The following FANK1 variants were observed in gnomAD, a reference collection of about 807,000 sequenced individuals.
The protein encoded by FANK1 is fibronectin type 3 and ankyrin repeat domains protein 1.
Under a neutral mutation model 45.3 loss-of-function variants are expected in FANK1, and 44 were observed. The ratio of observed to expected loss-of-function variants is 0.97; its 90% CI spans 0.76 to 1.25. The LOEUF (loss-of-function observed/expected upper bound fraction) is 1.25. FANK1 is among the 50% of genes most tolerant of loss of function. The probability of loss-of-function intolerance (pLI) is 0.00; values close to 1 mark genes in which losing one functional copy is unlikely to be tolerated. For missense variants in FANK1, 391 were observed against 424.4 expected, an observed-to-expected ratio of 0.92 and a Z score of 0.69; for synonymous variants, 149 against 152.5, an observed-to-expected ratio of 0.98 and a Z score of 0.17.
intron 1 of FANK1, among the ~76,000 whole-genome samples, chr10:125,899,939 G>T (rs1944895744): frequency 1.3e-5 from 2 of 152,288 alleles, no homozygotes; most frequent in South Asian, 4.1e-4. Flanking sequence ...ACAACACCAA[G>T]GAACTACTAG....
At chr10:125,917,201 G>A (rs1372575150) in intron 1 of FANK1, among the ~76,000 whole-genome samples, 1 of 152,198 alleles carries the variant, frequency 6.6e-6, no homozygotes, top group Admixed American at 6.5e-5. Context: ...AAACAGACCA[G>A]TTTTTCCTGA....
At chr10:125,913,967 A>C (rs1946240124) in intron 1 of FANK1, among the ~76,000 whole-genome samples, 1 of 152,174 alleles carries the variant, frequency 6.6e-6, no homozygotes, top group Non-Finnish European at 1.5e-5. Context: ...GAGTAAAAAC[A>C]CAAAGAAGAT....
At chr10:125,953,469 C>T (rs970828118) in intron 1 of FANK1, among the ~76,000 whole-genome samples, 1 of 152,258 alleles carries the variant, frequency 6.6e-6, no homozygotes, top group Non-Finnish European at 1.5e-5. Context: ...CTCACCAGAT[C>T]AGCTCTGTTT....
intron 1 of FANK1, among the ~76,000 whole-genome samples, chr10:125,946,951 C>T (rs1948844424): frequency 6.8e-6 from 1 of 147,780 alleles, no homozygotes; most frequent in African/African-American, 2.5e-5. Flanking sequence ...AGAGTGGGGG[C>T]CAATATTCAA....
At position 125,943,117 on chromosome 10, in the gene FANK1, T is replaced by C. The variant is rs545398534; in HGVS notation, c.14-37044T>C. ...GTGAGCCACTGTGCCCAGACTATAATTTGCTGCTTGATGTCAGAATAATTT... is the reference window on the plus strand; with the variant it reads ...GTGAGCCACTGTGCCCAGACTATAACTTGCTGCTTGATGTCAGAATAATTT... On this transcript the variant is annotated intron_variant, in intron 1 of 10. Transcript: ENST00000368693. 2.8e-4 allele frequency among the ~76,000 whole-genome samples: 42 copies of C among 152,312 alleles called. 1 individual carries two copies. Among genetic ancestry groups the C allele is most frequent in the South Asian group, 1.9e-3 (9 of 4,828 alleles).
chr10:125,945,253 A>G (rs554601841), intron 1 of FANK1, among the ~76,000 whole-genome samples: 1 of 152,344 alleles, frequency 6.6e-6, no homozygotes, highest in African/African-American at 2.4e-5. Context: ...AGGAGCCAAG[A>G]TGGCCGAATA....
intron 1 of FANK1, among the ~76,000 whole-genome samples, chr10:125,908,141 C>T (rs1481518415): frequency 6.6e-6 from 1 of 152,022 alleles, no homozygotes; most frequent in Non-Finnish European, 1.5e-5. Flanking sequence ...AGATTATAGG[C>T]ATGCGCCACC....
intron 1 of FANK1, among the ~76,000 whole-genome samples, chr10:125,978,483 A>G (rs886405569): frequency 6.6e-6 from 1 of 151,156 alleles, no homozygotes; most frequent in Non-Finnish European, 1.5e-5. Context: ...TCCCAGGGGA[A>G]ATTCAATGTC....
intron 3 of FANK1, chr10:125,989,410 C>A (rs112006170): frequency 2.0e-6 from 3 of 1,512,176 alleles, no homozygotes; most frequent in Non-Finnish European, 2.7e-6. Flanking sequence ...GAGTAAAGCT[C>A]TTTTTCCGTT....
chr10:125,933,358 T>C (rs957904116), intron 1 of FANK1, among the ~76,000 whole-genome samples: 2 of 152,160 alleles, frequency 1.3e-5, no homozygotes, highest in African/African-American at 4.8e-5. Flanking sequence ...TGATTTAAGC[T>C]AGGAGGGTTG....
rs111649792 is a variant in FANK1 at position 125,914,869 on chromosome 10, G to A, written c.13+18214G>A. Among the ~76,000 whole-genome samples the A allele has an allele frequency of 4.1e-4, 63 of 151,976 alleles. No individual in the cohort carries two copies. The South Asian group carries it at 8.3e-3, about 20-fold the overall frequency. Reference sequence around the variant, plus strand: ...TGAACTCCCGGGTTGACTTAGGTGCGGAGGGGATGACTTAGGTGCGGAGGG... The same window carrying A: ...TGAACTCCCGGGTTGACTTAGGTGCAGAGGGGATGACTTAGGTGCGGAGGG... On this transcript the variant is annotated intron_variant, in intron 1 of 10. Coordinates refer to ENST00000368693, the MANE Select transcript of FANK1 (RefSeq NM_145235.5).
chr10:125,961,290 G>A (rs1010294531), intron 1 of FANK1, among the ~76,000 whole-genome samples: 6 of 152,054 alleles, frequency 3.9e-5, no homozygotes, highest in Admixed American at 2.6e-4. Context: ...AAAATTTTCT[G>A]TGGAGACAGA....
intron 1 of FANK1, among the ~76,000 whole-genome samples, chr10:125,952,094 C>G (rs1323775399): frequency 6.6e-6 from 1 of 152,068 alleles, no homozygotes; most frequent in Non-Finnish European, 1.5e-5. Context: ...GTGCATAAAT[C>G]AGGCAGCCTC....
chr10:125,979,104 C>A (rs770784731), intron 1 of FANK1, among the ~76,000 whole-genome samples: 1 of 152,116 alleles, frequency 6.6e-6, no homozygotes, highest in South Asian at 2.1e-4. Flanking sequence ...GTTTCTGGGT[C>A]GCTCATTCGG....
intron 1 of FANK1, among the ~76,000 whole-genome samples, chr10:125,911,683 C>T (rs1274442886): frequency 1.3e-5 from 2 of 152,220 alleles, no homozygotes; most frequent in Non-Finnish European, 2.9e-5. Flanking sequence ...GCACAGCCTC[C>T]TCAACTCAAT....
chr10:125,934,731 T>A (rs1039765920), intron 1 of FANK1, among the ~76,000 whole-genome samples: 1 of 23,270 alleles, frequency 4.3e-5, no homozygotes, highest in African/African-American at 1.7e-4. Context: ...ACCGTTTTTT[T>A]TTTTTTTTTT....
chr10:126,004,973 G>A lies in FANK1; in HGVS notation c.629G>A (p.Gly210Asp), dbSNP rs1359336648. 5 of 1,614,204 alleles carry A rather than the reference G, an allele frequency of 3.1e-6. No individual in the cohort carries two copies. Among genetic ancestry groups the A allele is most frequent in the African/African-American group, 1.3e-5 (1 of 75,052 alleles). The change falls in exon 7 of 11, where the codon GGC becomes GAC. Residue 210 changes from glycine to aspartate, a missense_variant. Physicochemically the swap from Gly to Asp is moderately conservative, Grantham distance 94 (BLOSUM62 -1). Transcript: ENST00000368693. ...GASWQARDLGGCTALHWAADG... is the reference protein window; with the variant it reads ...GASWQARDLGDCTALHWAADG... Reference sequence around the variant, plus strand: ...TCTTGGCAGGCTAGAGACCTGGGAGGCTGTACAGCTCTGCACTGGGCTGCA... The same window carrying A: ...TCTTGGCAGGCTAGAGACCTGGGAGACTGTACAGCTCTGCACTGGGCTGCA...
At chr10:125,994,439 A>G (rs1050887036) in intron 3 of FANK1, 6 of 984,808 alleles carry the variant, frequency 6.1e-6, no homozygotes, top group Non-Finnish European at 4.8e-6. Flanking sequence ...ATAAACTCAA[A>G]CTCTTGCCGT....
intron 1 of FANK1, among the ~76,000 whole-genome samples, chr10:125,922,986 T>G (rs1564876151): frequency 6.6e-6 from 1 of 151,706 alleles, no homozygotes; most frequent in Non-Finnish European, 1.5e-5. Context: ...AGTGGCAGAG[T>G]TTTTTTTGTT....
Sources: gnomAD v4.1 joint callset for allele counts (sites outside exome capture counted in the v4.1 genomes callset) on GRCh38, gnomAD v4.1.1 for gene constraint, MANE v1.5 for transcripts, NCBI Gene and HGNC (gene_info 2026-07-23, HGNC 2026-07-21) for gene names.